Variants in IGF1R observed in about 807,000 individuals in gnomAD.
IGF1R encodes the protein insulin like growth factor 1 receptor.
A neutral mutation model predicts 144.6 loss-of-function variants in IGF1R; 44 were observed. The ratio of observed to expected loss-of-function variants is 0.30; its 90% CI spans 0.24 to 0.39. The LOEUF is 0.39. Ranked by LOEUF, IGF1R falls within the 10% of genes least tolerant of loss-of-function variation. IGF1R has a pLI of 1.00. For missense variants in IGF1R, 1,355 were observed against 1,833.7 expected (o/e 0.74, Z 4.77); for synonymous variants, 795 against 722.8 (o/e 1.10, Z -1.60).
intron 1 of IGF1R, among the ~76,000 whole-genome samples, chr15:98,693,429 T>C (rs1291665833): frequency 2.6e-5 from 4 of 152,186 alleles, no homozygotes; most frequent in African/African-American, 9.7e-5. Flanking sequence ...AGCTGCTGAA[T>C]GGGGCTGCTG....
intron 1 of IGF1R, among the ~76,000 whole-genome samples, chr15:98,683,653 A>G (rs866776184): frequency 3.9e-5 from 6 of 152,224 alleles, no homozygotes; most frequent in Admixed American, 1.3e-4. Context: ...ATCCTCTTAT[A>G]TAAGTGCATC....
chr15:98,710,727 C>T (rs143406070), intron 2 of IGF1R, among the ~76,000 whole-genome samples: 1,536 of 149,018 alleles, frequency 0.01, 13 homozygotes, highest in Middle Eastern at 0.021. Context: ...AGTGCAGCGG[C>T]GCGATCTCGG....
chr15:98,768,019 T>A (rs538872978), intron 2 of IGF1R, among the ~76,000 whole-genome samples: 29 of 152,144 alleles, frequency 1.9e-4, no homozygotes, highest in African/African-American at 6.5e-4. Flanking sequence ...AGCCATGAGG[T>A]GAAGCATAGG....
At chr15:98,755,515 T>C (rs759237894) in intron 2 of IGF1R, among the ~76,000 whole-genome samples, 65 of 151,506 alleles carry the variant, frequency 4.3e-4, no homozygotes, top group African/African-American at 1.4e-3. Flanking sequence ...CTGAAGTGGG[T>C]GGATCACCTG....
At chr15:98,821,112 G>T (rs954521171) in intron 2 of IGF1R, among the ~76,000 whole-genome samples, 1 of 152,148 alleles carries the variant, frequency 6.6e-6, no homozygotes, top group African/African-American at 2.4e-5. Context: ...ATGGATAAAC[G>T]AAGATAGATA....
rs903482893 is a variant in IGF1R, at chr15:98,959,303, G to A, written c.*1861G>A. On this transcript the variant is annotated 3_prime_UTR_variant, in exon 21 of 21. Transcript: ENST00000650285. ...TGGCTATTTAATCCTTCCATCCCAC[G>A]AAAAACAGCTGCTGAGTCCAAGGGA... 5.1e-5 allele frequency: 12 copies of A among 233,572 alleles called. No homozygotes were observed. The South Asian group carries it at 7.2e-4, about 14-fold the overall frequency. 14.5% of individuals were successfully genotyped at this position (233,572 alleles called of 1,614,324 possible). A position where few individuals can be genotyped will look rare whatever the true frequency, so the allele number is the denominator to read the frequency against.
chr15:98,870,215 T>G (rs1254023166), intron 2 of IGF1R, among the ~76,000 whole-genome samples: 1 of 152,274 alleles, frequency 6.6e-6, no homozygotes, highest in African/African-American at 2.4e-5. Context: ...AGAACTCTTT[T>G]CATCTCGCAC....
chr15:98,929,489 A>G (rs1321810914), intron 13 of IGF1R, 69 bp from the exon 14 acceptor site: 1 of 1,186,032 alleles, frequency 8.4e-7, no homozygotes, highest in Admixed American at 1.7e-5. Context: ...TTCCAACTGA[A>G]TGTGAAGAAA....
chr15:98,649,870 G>GCCCCGCGGGCCCTGGCTCCGCGCAT (rs2052306254), intron 1 of IGF1R, among the ~76,000 whole-genome samples, 195 bp downstream of exon 1: 1 of 152,138 alleles, frequency 6.6e-6, no homozygotes, highest in Non-Finnish European at 1.5e-5. Flanking sequence ...TTCGTCTGGA[G>GCCCCGCGGGCCCTGGCTCCGCGCAT]CCCCGCGGGC....
chr15:98,876,522 A>G (rs1567173259), intron 2 of IGF1R, among the ~76,000 whole-genome samples: 1 of 152,290 alleles, frequency 6.6e-6, no homozygotes, highest in Non-Finnish European at 1.5e-5. Flanking sequence ...CAGCCCCACT[A>G]CCACCAGCTC....
chr15:98,911,205 C>A, intron 6 of IGF1R, 110 bp from the exon 7 acceptor site: 1 of 1,266,412 alleles, frequency 7.9e-7, no homozygotes, highest in Non-Finnish European at 1.1e-6. Flanking sequence ...CAGAAGGGAA[C>A]TTAGCATATA....
intron 5 of IGF1R, among the ~76,000 whole-genome samples, chr15:98,905,553 A>G (rs1258694459): frequency 6.6e-6 from 1 of 151,934 alleles, no homozygotes; most frequent in Non-Finnish European, 1.5e-5. Context: ...GGTCCCAGCT[A>G]CTTGGGAGGC....
chr15:98,877,391 A>T (rs1389385446), intron 2 of IGF1R, among the ~76,000 whole-genome samples: 1 of 152,144 alleles, frequency 6.6e-6, no homozygotes, highest in Non-Finnish European at 1.5e-5. Flanking sequence ...GAGATGTGTG[A>T]AAAAGATAAT....
chr15:98,694,539 G>A (rs74032526), intron 1 of IGF1R, among the ~76,000 whole-genome samples: 5 of 152,002 alleles, frequency 3.3e-5, no homozygotes, highest in Admixed American at 1.3e-4. Context: ...GACTCAGGGT[G>A]GGGGGGATGC....
At chr15:98,813,990 C>T (rs551691107) in intron 2 of IGF1R, among the ~76,000 whole-genome samples, 5 of 152,268 alleles carry the variant, frequency 3.3e-5, no homozygotes, top group African/African-American at 1.2e-4. Context: ...TTCTGGCCTA[C>T]CTCAGTTCAT....
rs55954954 is a variant in IGF1R at position 98,891,626 on chromosome 15, C to A, written c.942C>A (p.Asn314Lys). ...AGTGCCCCTCGGGCTTCATCCGCAACGGCAGCCAGAGGTCAGTCGCGGCCA... is the reference window on the plus strand; with the variant it reads ...AGTGCCCCTCGGGCTTCATCCGCAAAGGCAGCCAGAGGTCAGTCGCGGCCA... Reference protein sequence around the residue: ...MQECPSGFIRNGSQSMYCIPC... With the variant: ...MQECPSGFIRKGSQSMYCIPC... The change falls in exon 3 of 21, where the codon AAC (asparagine) becomes AAA (lysine). Residue 314 changes from asparagine (N) to lysine (K), a missense_variant. Asn to Lys is a moderately conservative substitution (Grantham distance 94). Transcript: ENST00000650285. This position sits in a 1 kb window ranked among gnomAD's most constrained non-coding sequence, Gnocchi z 4.7. The A allele has an allele frequency of 6.2e-7, 1 of 1,600,968 alleles. No individual in the cohort carries two copies. The highest frequency in any genetic ancestry group is 1.7e-5 in the Admixed American group (1 of 60,026).
chr15:98,873,772 TGC>T (rs2012909447), intron 2 of IGF1R: 1 of 152,254 alleles, frequency 6.6e-6, no homozygotes, highest in Non-Finnish European at 1.5e-5. Flanking sequence ...TTTCTTAACC[TGC>T]TGCAGTTACC....
intron 2 of IGF1R, among the ~76,000 whole-genome samples, chr15:98,816,510 C>G (rs536664159): frequency 4.9e-4 from 74 of 152,330 alleles, no homozygotes; most frequent in African/African-American, 1.7e-3. Flanking sequence ...GCCAGTAGGA[C>G]TTGCCTGTGT....
chr15:98,886,697 C>T (rs1166374956), intron 2 of IGF1R, among the ~76,000 whole-genome samples: 1 of 152,130 alleles, frequency 6.6e-6, no homozygotes, highest in African/African-American at 2.4e-5. Context: ...GAACAGCCAT[C>T]CATCTGCTGG....
Sources: allele counts gnomAD v4.1 joint callset (sites outside exome capture counted in the v4.1 genomes callset), GRCh38; gene constraint gnomAD v4.1.1; non-coding constraint Gnocchi (gnomAD v3.1); transcripts MANE v1.5; gene names NCBI Gene and HGNC (gene_info 2026-07-23, HGNC 2026-07-21).